The following GPC6 variants were observed in gnomAD, a reference collection of about 807,000 sequenced individuals.
GPC6 encodes glypican 6.
In GPC6, 14 loss-of-function variants were observed where a neutral mutation model predicts 55.2. The observed-to-expected ratio is 0.25, with a 90% CI of 0.17 to 0.40. The LOEUF (loss-of-function observed/expected upper bound fraction) is 0.40. Ranked by LOEUF, GPC6 falls within the 10% of genes least tolerant of loss-of-function variation. The probability of loss-of-function intolerance (pLI) is 1.00; values close to 1 mark genes in which losing one functional copy is unlikely to be tolerated. For synonymous variants in GPC6, 278 were observed against 259.6 expected, an observed-to-expected ratio of 1.07 and a Z score of -0.68; for missense variants, 641 against 708.5, an observed-to-expected ratio of 0.90 and a Z score of 1.08.
At chr13:94,321,624 C>T (rs7331502) in intron 6 of GPC6, among the ~76,000 whole-genome samples, 1 of 152,094 alleles carries the variant, frequency 6.6e-6, no homozygotes, top group Admixed American at 6.5e-5. Context: ...AGCATTGGAA[C>T]GGTTATTTTT....
chr13:93,614,658 C>T (rs1270444994), intron 2 of GPC6, among the ~76,000 whole-genome samples: 2 of 151,992 alleles, frequency 1.3e-5, no homozygotes, highest in African/African-American at 4.8e-5. Flanking sequence ...ATCAATCCCC[C>T]TATATTTTTT....
At chr13:93,776,975 T>A (rs552939437) in intron 2 of GPC6, among the ~76,000 whole-genome samples, 1 of 152,322 alleles carries the variant, frequency 6.6e-6, no homozygotes, top group African/African-American at 2.4e-5. Context: ...GACCAACCCC[T>A]GTCAGATTTC....
intron 3 of GPC6, among the ~76,000 whole-genome samples, chr13:93,940,104 A>AT (rs1207400558): frequency 6.6e-5 from 10 of 152,120 alleles, no homozygotes; most frequent in African/African-American, 2.4e-4. Context: ...TTTGAACCTT[A>AT]TTTTCTACCT....
At chr13:94,306,296 G>T (rs1392840691) in intron 6 of GPC6, 173 bp downstream of exon 6, 11 of 729,454 alleles carry the variant, frequency 1.5e-5, no homozygotes, top group Admixed American at 2.1e-5. Context: ...TTTGGGTCAT[G>T]TATTGGATTA....
intron 4 of GPC6, among the ~76,000 whole-genome samples, chr13:94,207,276 G>A (rs938823680): frequency 2.0e-5 from 3 of 152,042 alleles, no homozygotes; most frequent in African/African-American, 7.2e-5. Flanking sequence ...TTACTATACC[G>A]CACTAAGACA....
At position 93,283,129 on chromosome 13, in the gene GPC6, A is replaced by G. The variant is rs2139069812; in HGVS notation, c.160+55513A>G. ...AATATGCTCATTTTGCTACATTTTG[A>G]TTTTAAATTTTTTAGTATTACCTAT... On this transcript the variant is annotated intron_variant, in intron 1 of 8. Transcript: ENST00000377047. Among the ~76,000 whole-genome samples the G allele has an allele frequency of 2.6e-5, 4 of 151,956 alleles. No homozygotes were observed. In the East Asian group the frequency reaches 5.8e-4, roughly 22 times the overall value.
intron 2 of GPC6, among the ~76,000 whole-genome samples, chr13:93,724,813 A>G (rs1241719086): frequency 6.6e-6 from 1 of 151,990 alleles, no homozygotes; most frequent in Non-Finnish European, 1.5e-5. Flanking sequence ...TTGATGCACA[A>G]TTTATCTTGA....
At chr13:94,000,741 G>A (rs1212487982) in intron 3 of GPC6, among the ~76,000 whole-genome samples, 3 of 152,164 alleles carry the variant, frequency 2.0e-5, no homozygotes, top group Non-Finnish European at 2.9e-5. Flanking sequence ...ACAGCACTTT[G>A]CAGCAAAATG....
rs1400115302 is a variant in GPC6, at chr13:93,933,363, C to T, written c.712-94366C>T. 5.1e-4 allele frequency among the ~76,000 whole-genome samples: 78 copies of T among 152,230 alleles called. 1 individual carries two copies. Among genetic ancestry groups the T allele is most frequent in the Non-Finnish European group, 1.3e-4 (9 of 68,020 alleles). Reference sequence around the variant, plus strand: ...TCCTACAACAGAGAATTACCCACCCCTAAGTGACAATAGTTTCAAGGTTGA... The same window carrying T: ...TCCTACAACAGAGAATTACCCACCCTTAAGTGACAATAGTTTCAAGGTTGA... On this transcript the variant is annotated intron_variant, in intron 3 of 8. Coordinates refer to ENST00000377047, the MANE Select transcript of GPC6 (RefSeq NM_005708.5).
At chr13:93,543,511 T>G (rs1292644113) in intron 1 of GPC6, among the ~76,000 whole-genome samples, 3 of 152,052 alleles carry the variant, frequency 2.0e-5, no homozygotes, top group Non-Finnish European at 2.9e-5. Context: ...TCTGCCCGGC[T>G]TTGGTATCAG....
intron 4 of GPC6, among the ~76,000 whole-genome samples, chr13:94,210,031 A>G (rs1482639592): frequency 6.6e-6 from 1 of 151,930 alleles, no homozygotes; most frequent in Non-Finnish European, 1.5e-5. Context: ...AATTTTTTTT[A>G]GAGATTGGAT....
At chr13:93,397,752 T>C (rs1330096647) in intron 1 of GPC6, among the ~76,000 whole-genome samples, 1 of 151,674 alleles carries the variant, frequency 6.6e-6, no homozygotes, top group African/African-American at 2.4e-5. Flanking sequence ...CATGTTCTTT[T>C]CTCCCTCCTC....
intron 4 of GPC6, among the ~76,000 whole-genome samples, chr13:94,214,680 G>T (rs1890176932): frequency 6.6e-6 from 1 of 152,056 alleles, no homozygotes; most frequent in South Asian, 2.1e-4. Context: ...ATTGATGGAA[G>T]AACTGTTTTA....
At chr13:93,890,000 A>G (rs1034485316) in intron 3 of GPC6, among the ~76,000 whole-genome samples, 15 of 152,152 alleles carry the variant, frequency 9.9e-5, no homozygotes, top group South Asian at 2.1e-4. Flanking sequence ...GGAAAAAAAA[A>G]TAGATGGCTT....
intron 4 of GPC6, among the ~76,000 whole-genome samples, chr13:94,226,523 A>C (rs1890563587): frequency 1.3e-5 from 2 of 152,170 alleles, no homozygotes; most frequent in African/African-American, 4.8e-5. Flanking sequence ...ATGTATTAAA[A>C]CATTACACTG....
intron 2 of GPC6, among the ~76,000 whole-genome samples, chr13:93,686,316 A>G (rs1882043152): frequency 6.6e-6 from 1 of 152,280 alleles, no homozygotes; most frequent in Non-Finnish European, 1.5e-5. Flanking sequence ...CAATATTTCA[A>G]TGATGTAGCA....
At chr13:93,922,962 C>T (rs1159067489) in intron 3 of GPC6, among the ~76,000 whole-genome samples, 1 of 152,196 alleles carries the variant, frequency 6.6e-6, no homozygotes, top group African/African-American at 2.4e-5. Flanking sequence ...AAGACCCCAA[C>T]TATCCAAACT....
At chr13:93,309,026 G>A (rs2139105427) in intron 1 of GPC6, among the ~76,000 whole-genome samples, 1 of 152,064 alleles carries the variant, frequency 6.6e-6, no homozygotes, top group South Asian at 2.1e-4. Context: ...CTTTTTTAAG[G>A]AAACTACTAT....
chr13:94,130,043 T>A (rs887568139), intron 4 of GPC6, among the ~76,000 whole-genome samples: 1 of 152,168 alleles, frequency 6.6e-6, no homozygotes, highest in African/African-American at 2.4e-5. Context: ...CGTGATGGAA[T>A]CATATTCATT....
Sources: gnomAD v4.1 joint callset for allele counts (sites outside exome capture counted in the v4.1 genomes callset) on GRCh38, gnomAD v4.1.1 for gene constraint, MANE v1.5 for transcripts, NCBI Gene and HGNC (gene_info 2026-07-23, HGNC 2026-07-21) for gene names.